POTEH: variants seen among roughly 807,000 people sequenced by gnomAD.
POTEH encodes ANKRD26-like family C member 3.
In POTEH, 6 loss-of-function variants were observed where a neutral mutation model predicts 41.7. The observed-to-expected ratio is 0.14, with a 90% confidence interval of 0.08 to 0.28. The LOEUF (loss-of-function observed/expected upper bound fraction) is 0.28. POTEH is among the 10% of genes least tolerant of loss of function. The pLI is 1.00. For synonymous variants in POTEH, 38 were observed against 179.9 expected (o/e 0.21, Z 6.31); for missense variants, 115 against 533.5 (o/e 0.22, Z 7.73).
intron 7 of POTEH, among the ~76,000 whole-genome samples, chr22:15,708,856 A>G (rs1380955907): frequency 1.3e-4 from 18 of 136,440 alleles, no homozygotes; most frequent in Admixed American, 4.6e-4. Flanking sequence ...TGTAACACTG[A>G]TGGTCCCTGA....
chr22:15,704,093 TATTG>T (rs1413867250), intron 6 of POTEH, among the ~76,000 whole-genome samples: 2 of 150,502 alleles, frequency 1.3e-5, no homozygotes, highest in African/African-American at 2.5e-5. Context: ...ATTTATTATA[TATTG>T]ATTATGTGCC....
chr22:15,712,711 T>A (rs1989846580), intron 9 of POTEH, among the ~76,000 whole-genome samples: 1 of 95,224 alleles, frequency 1.1e-5, no homozygotes, highest in Admixed American at 1.3e-4. Flanking sequence ...TAAGATTATT[T>A]TCTGCATTTC....
chr22:15,699,716 CT>C (rs1202540308), intron 4 of POTEH: 1 of 247,676 alleles, frequency 4.0e-6, no homozygotes, highest in African/African-American at 2.3e-5. Context: ...ATTTTACCCC[CT>C]AGCTGATTTT....
chr22:15,717,827 G>C (rs1295192593), intron 9 of POTEH, among the ~76,000 whole-genome samples: 1 of 151,164 alleles, frequency 6.6e-6, no homozygotes, highest in African/African-American at 2.4e-5. Flanking sequence ...TTTCATTTTT[G>C]TTGCATTGGC....
chr22:15,691,981 G>GATATATATAT (rs1403078945), intron 1 of POTEH, among the ~76,000 whole-genome samples: 7 of 123,054 alleles, frequency 5.7e-5, no homozygotes, highest in South Asian at 2.8e-4. Flanking sequence ...TACATATGCA[G>GATATATATAT]ATACATATAT....
At chr22:15,692,009 A>AAC (rs1409431481) in intron 1 of POTEH, among the ~76,000 whole-genome samples, 3 of 128,556 alleles carry the variant, frequency 2.3e-5, no homozygotes, top group Non-Finnish European at 3.5e-5. Context: ...TATATATATA[A>AAC]ATTTCTTTTT....
intron 9 of POTEH, among the ~76,000 whole-genome samples, chr22:15,714,566 C>T (rs201956988): frequency 6.6e-6 from 1 of 151,754 alleles, no homozygotes; most frequent in South Asian, 2.1e-4. Flanking sequence ...TTCCCCATGT[C>T]TGGAATGCTT....
At position 15,690,701 on chromosome 22, in the gene POTEH, G is replaced by C; in HGVS notation, c.624G>C (p.Lys208Asn). The change falls in exon 1 of 11, where the codon AAG becomes AAC. Residue 208 changes from lysine to asparagine, a missense_variant. Transcript: ENST00000343518. ...LKDTDMNKKDKQKRTALHLAS... is the reference protein window; with the variant it reads ...LKDTDMNKKDNQKRTALHLAS... ...ACACTGACATGAACAAGAAGGACAA[G>C]CAAAAGAGGTAACCAGGCCTGGGCT... 1 of 1,409,534 alleles carries C rather than the reference G, an allele frequency of 7.1e-7. No homozygotes were observed. The highest frequency in any genetic ancestry group is 1.5e-5 in the African/African-American group (1 of 66,456). 87.3% of individuals were successfully genotyped at this position (1,409,534 alleles called of 1,614,324 possible).
intron 4 of POTEH, chr22:15,699,735 A>C (rs1354563621): frequency 3.9e-6 from 1 of 256,506 alleles, no homozygotes; most frequent in Non-Finnish European, 7.4e-6. Context: ...TTTCTATTAC[A>C]GCATATCAGT....
rs370666679 is a variant in POTEH at position 15,690,085 on chromosome 22, C to T, written c.8C>T (p.Ala3Val). 2 of 1,401,178 alleles carry T rather than the reference C, an allele frequency of 1.4e-6. No individual in the cohort carries two copies. The highest frequency in any genetic ancestry group is 2.0e-6 in the Non-Finnish European group (2 of 1,009,942). The allele number at this position is 1,401,178 out of a possible 1,614,324, so 86.8% of individuals were successfully genotyped here. MV[A>V]EAGSMPAASS... is the part of the protein sequence containing the mutation. The stretch of plus-strand genomic sequence containing the variant: ...CCTGGCTGTTAAAAGCAGATGGTGG[C>T]TGAGGCTGGTTCAATGCCGGCTGCC... Residue 3 changes from alanine to valine, a missense_variant, in exon 1 of 11, where the codon GCT becomes GTT. Transcript: ENST00000343518.
chr22:15,696,403 G>GTGT (rs561110988), intron 3 of POTEH, among the ~76,000 whole-genome samples: 5 of 146,834 alleles, frequency 3.4e-5, no homozygotes, highest in African/African-American at 5.1e-5. Context: ...TGTGTGTGTG[G>GTGT]TGTTGTTGTT....
At chr22:15,691,846 A>G (rs530524140) in intron 1 of POTEH, among the ~76,000 whole-genome samples, 12 of 149,154 alleles carry the variant, frequency 8.0e-5, no homozygotes, top group Non-Finnish European at 1.6e-4. Context: ...AAAAAGATGG[A>G]TTGTTCATAA....
At position 15,690,493 on chromosome 22, in the gene POTEH, G is replaced by A; in HGVS notation, c.416G>A (p.Cys139Tyr). Residue 139 changes from cysteine (C) to tyrosine (Y), a missense_variant, in exon 1 of 11, where the codon TGC becomes TAC. Physicochemically the swap from Cys to Tyr is radical, Grantham distance 194. Coordinates refer to ENST00000343518, the MANE Select transcript of POTEH (RefSeq NM_001136213.1). ...KTLRSKMGKW[C>Y]CHCFPCCRGS... ...CTCAGGAGCAAGATGGGCAAGTGGT[G>A]CTGCCACTGCTTCCCCTGCTGCAGG... 7.1e-7 allele frequency: 1 copy of A among 1,410,148 alleles called. No individual in the cohort carries two copies. The highest frequency in any genetic ancestry group is 9.8e-7 in the Non-Finnish European group (1 of 1,018,448). The allele number at this position is 1,410,148 out of a possible 1,614,324, so 87.4% of individuals were successfully genotyped here. A position where few individuals can be genotyped will look rare whatever the true frequency, so the allele number is the denominator to read the frequency against.
chr22:15,691,562 T>C (rs1601493410), intron 1 of POTEH, among the ~76,000 whole-genome samples: 1 of 142,524 alleles, frequency 7.0e-6, no homozygotes, highest in African/African-American at 2.5e-5. Flanking sequence ...TTTTTCTATT[T>C]ATCACTTTTA....
chr22:15,692,767 A>AAG (rs1245863794), intron 1 of POTEH, among the ~76,000 whole-genome samples: 1 of 127,352 alleles, frequency 7.9e-6, no homozygotes, highest in Non-Finnish European at 1.8e-5. Flanking sequence ...AAAAAAAAAA[A>AAG]GCATGAAATA....
Position 15,690,054 on chromosome 22 carries a change from G to A in POTEH, c.-24G>A. The A allele has an allele frequency of 7.2e-7, 1 of 1,397,864 alleles. No homozygotes were observed. The highest frequency in any genetic ancestry group is 9.9e-7 in the Non-Finnish European group (1 of 1,008,036). The allele number at this position is 1,397,864 out of a possible 1,614,324, so 86.6% of individuals were successfully genotyped here. A position where few individuals can be genotyped will look rare whatever the true frequency, so the allele number is the denominator to read the frequency against. ...AGACGCGATCTGCTGGCTACTACCG[G>A]CCTTCCCTGGCTGTTAAAAGCAGAT... On this transcript the variant is annotated 5_prime_UTR_variant, in exon 1 of 11. Coordinates refer to ENST00000343518, the MANE Select transcript of POTEH (RefSeq NM_001136213.1).
At chr22:15,713,450 C>G (rs1305656729) in intron 9 of POTEH, among the ~76,000 whole-genome samples, 13 of 152,162 alleles carry the variant, frequency 8.5e-5, no homozygotes, top group Admixed American at 1.3e-4. Flanking sequence ...CATCTTTCTC[C>G]TTTTGGACAT....
chr22:15,690,694 A>G lies in POTEH; in HGVS notation c.617A>G (p.Lys206Arg). The G allele has an allele frequency of 2.1e-6, 3 of 1,412,132 alleles. No homozygotes were observed. The highest frequency in any genetic ancestry group is 1.5e-5 in the African/African-American group (1 of 66,518). 87.5% of individuals were successfully genotyped at this position (1,412,132 alleles called of 1,614,324 possible). ...VMLKDTDMNKKDKQKRTALHL... is the reference protein window; with the variant it reads ...VMLKDTDMNKRDKQKRTALHL... ...CTCAAGGACACTGACATGAACAAGA[A>G]GGACAAGCAAAAGAGGTAACCAGGC... Residue 206 changes from lysine (K) to arginine (R), a missense_variant, in exon 1 of 11, where the codon AAG (lysine) becomes AGG (arginine). Transcript: ENST00000343518.
At chr22:15,691,525 C>CA (rs1173004751) in intron 1 of POTEH, among the ~76,000 whole-genome samples, 19,824 of 87,288 alleles carry the variant, frequency 0.23, 1,453 homozygotes, top group Non-Finnish European at 0.31. Flanking sequence ...GACTCCGTCT[C>CA]AAAAAAAAAA....
Sources: gnomAD v4.1 joint callset for allele counts (sites outside exome capture counted in the v4.1 genomes callset) on GRCh38, gnomAD v4.1.1 for gene constraint, MANE v1.5 for transcripts, NCBI Gene and HGNC (gene_info 2026-07-23, HGNC 2026-07-21) for gene names.